The following NOS1AP variants were observed in gnomAD, a reference collection of about 807,000 sequenced individuals.
NOS1AP encodes the protein carboxyl-terminal PDZ ligand of neuronal nitric oxide synthase protein.
Under a neutral mutation model 56.2 loss-of-function variants are expected in NOS1AP, and 21 were observed. That is an observed-to-expected ratio of 0.37 (90% CI 0.26 to 0.54). NOS1AP has a LOEUF of 0.54. Among genes scored for constraint, NOS1AP ranks in the 20% least tolerant of loss-of-function variants. The pLI is 0.84. For synonymous variants in NOS1AP, 270 were observed against 274.6 expected, an observed-to-expected ratio of 0.98 and a Z score of 0.17; for missense variants, 522 against 657.8, an observed-to-expected ratio of 0.79 and a Z score of 2.26.
At chr1:162,236,117 G>T (rs181782851) in intron 2 of NOS1AP, among the ~76,000 whole-genome samples, 4 of 152,320 alleles carry the variant, frequency 2.6e-5, no homozygotes, top group African/African-American at 4.8e-5. Context: ...GATGTTAACT[G>T]ATCACCAGAT....
Position 162,318,759 on chromosome 1 carries a change from T to C in NOS1AP, c.345-14258T>C, listed in dbSNP as rs1656316640. 3.3e-5 allele frequency among the ~76,000 whole-genome samples: 5 copies of C among 152,088 alleles called. No homozygotes were observed. In the South Asian group the frequency reaches 1.0e-3, roughly 32 times the overall value. ...ACACTCTATCCCCTCCATCCCTTAT[T>C]TCCAATTGCCTCTTAGACAATTCCA... On this transcript the variant is annotated intron_variant, in intron 4 of 9. Transcript: ENST00000361897.
At chr1:162,153,778 G>A (rs1167989931) in intron 1 of NOS1AP, among the ~76,000 whole-genome samples, 2 of 152,100 alleles carry the variant, frequency 1.3e-5, no homozygotes, top group Non-Finnish European at 2.9e-5. Context: ...CTTTTGTGCT[G>A]CATATTTCTG....
Position 162,367,279 on chromosome 1 carries a change from G to C in NOS1AP, c.1333G>C (p.Gly445Arg). ...CGAGGACACCCCGCCCCCAGCGCAGGGCGAGGCGCTCCTGGGCGGTCTGGA... is the reference window on the plus strand; with the variant it reads ...CGAGGACACCCCGCCCCCAGCGCAGCGCGAGGCGCTCCTGGGCGGTCTGGA... The part of the protein sequence containing the change: ...PPEDTPPPAQ[G>R]EALLGGLELI... Residue 445 changes from glycine to arginine, a missense_variant, in exon 10 of 10, where the codon GGC (glycine) becomes CGC (arginine). Transcript: ENST00000361897. The surrounding 1 kb of genome is among the most constrained non-coding windows in gnomAD (Gnocchi z 6.5). 6.2e-7 allele frequency: 1 copy of C among 1,613,606 alleles called. No homozygotes were observed. The highest frequency in any genetic ancestry group is 1.1e-5 in the South Asian group (1 of 91,084).
chr1:162,305,250 T>C (rs1035922042), intron 4 of NOS1AP, among the ~76,000 whole-genome samples: 2 of 152,150 alleles, frequency 1.3e-5, no homozygotes, highest in African/African-American at 4.8e-5. Context: ...AACTTTTTTA[T>C]CACTCCAAAC....
chr1:162,306,157 G>A (rs1375019625), intron 4 of NOS1AP, among the ~76,000 whole-genome samples: 2 of 152,198 alleles, frequency 1.3e-5, no homozygotes, highest in African/African-American at 2.4e-5. Context: ...GTCAGAATGT[G>A]CAGGAAGCCA....
rs545280605 is a variant in NOS1AP at position 162,344,095 on chromosome 1, C to T, written c.595+119C>T. 2.0e-4 allele frequency: 223 copies of T among 1,116,060 alleles called. 4 individuals carry two copies. The South Asian group carries it at 2.6e-3, about 13-fold the overall frequency. The allele number at this position is 1,116,060 out of a possible 1,614,324, so 69.1% of individuals were successfully genotyped here. A position where few individuals can be genotyped will look rare whatever the true frequency, so the allele number is the denominator to read the frequency against. ...ATTTTAAGAAACATTTTATTTTTTC[C>T]GTTTCTCTCTAAATTCTAGATTCTC... On this transcript the variant is annotated intron_variant, in intron 6 of 9. Transcript: ENST00000361897.
In NOS1AP at chr1:162,103,500, T is replaced by C. The variant is rs1332043469; in HGVS notation, c.105+33218T>C. ...TCTGAATATCTTTGTTAATTTTCTG[T>C]CTCAATGGTCTGTCTAATATTGACA... On this transcript the variant is annotated intron_variant, in intron 1 of 9. Transcript: ENST00000361897. Among the ~76,000 whole-genome samples the C allele has an allele frequency of 5.3e-5, 8 of 152,178 alleles. 1 individual carries two copies. Among genetic ancestry groups the C allele is most frequent in the Non-Finnish European group, 1.5e-5 (1 of 68,020 alleles).
chr1:162,324,416 C>CTTTTTTTTTTTTTTTTTTTTTTTTTTTTT (rs35946766), intron 4 of NOS1AP, among the ~76,000 whole-genome samples: 1 of 72,172 alleles, frequency 1.4e-5, no homozygotes, highest in Non-Finnish European at 2.8e-5. Context: ...GGACACTAGC[C>CTTTTTTTTTTTTTTTTTTTTTTTTTTTTT]TTTTTTTTTT....
chr1:162,192,413 G>A (rs1349091383), intron 2 of NOS1AP, among the ~76,000 whole-genome samples: 1 of 152,234 alleles, frequency 6.6e-6, no homozygotes, highest in Admixed American at 6.5e-5. Flanking sequence ...AGCTGGTGGG[G>A]AGGAAGGCAC....
intron 3 of NOS1AP, among the ~76,000 whole-genome samples, chr1:162,291,559 G>C (rs898365615): frequency 6.6e-6 from 1 of 151,888 alleles, no homozygotes; most frequent in African/African-American, 2.4e-5. Flanking sequence ...TAATTCCATA[G>C]TATTAATTGT....
At chr1:162,264,807 C>T (rs1359820220) in intron 2 of NOS1AP, among the ~76,000 whole-genome samples, 2 of 101,200 alleles carry the variant, frequency 2.0e-5, no homozygotes, top group African/African-American at 7.3e-5. Flanking sequence ...TGAGCCACCG[C>T]GCCCGACCTT....
intron 2 of NOS1AP, among the ~76,000 whole-genome samples, chr1:162,216,772 G>T (rs182790074): frequency 3.9e-5 from 6 of 152,186 alleles, no homozygotes. Context: ...AGGCAGCCTG[G>T]GTTCAAATCT....
At chr1:162,366,424 A>G (rs147195292) in intron 9 of NOS1AP, among the ~76,000 whole-genome samples, 66 of 152,330 alleles carry the variant, frequency 4.3e-4, no homozygotes, top group African/African-American at 1.5e-3. Context: ...TAGGCCTAGC[A>G]AGGAGCAGAG....
chr1:162,088,200 TAA>T (rs1042055308), intron 1 of NOS1AP, among the ~76,000 whole-genome samples: 6 of 152,142 alleles, frequency 3.9e-5, no homozygotes, highest in Admixed American at 3.9e-4. Context: ...GTCTTGGGCT[TAA>T]AAGCCGGCAT....
At chr1:162,251,888 T>G (rs950658038) in intron 2 of NOS1AP, among the ~76,000 whole-genome samples, 9 of 115,110 alleles carry the variant, frequency 7.8e-5, no homozygotes, top group African/African-American at 1.6e-4. Flanking sequence ...TTTTTTTTTT[T>G]TGTGGAGACA....
At chr1:162,218,219 C>G (rs1186261793) in intron 2 of NOS1AP, among the ~76,000 whole-genome samples, 3 of 152,210 alleles carry the variant, frequency 2.0e-5, no homozygotes, top group African/African-American at 7.2e-5. Flanking sequence ...TTGAAAAACA[C>G]TGCTCTAGGA....
intron 2 of NOS1AP, among the ~76,000 whole-genome samples, chr1:162,218,747 C>G (rs116475683): frequency 0.014 from 2,120 of 152,200 alleles, 29 homozygotes; most frequent in Middle Eastern, 0.024. Flanking sequence ...TCAGGAGTGT[C>G]CCGGGCACCC....
At chr1:162,223,397 A>G (rs11582659) in intron 2 of NOS1AP, among the ~76,000 whole-genome samples, 81,709 of 152,008 alleles carry the variant, frequency 0.54, 23,011 homozygotes, top group Non-Finnish European at 0.64. Context: ...CAGCTATAGA[A>G]TAGATTCTGT....
chr1:162,120,085 A>ACACATGTATATG (rs1459804627), intron 1 of NOS1AP, among the ~76,000 whole-genome samples: 63 of 2,106 alleles, frequency 0.03, no homozygotes, highest in East Asian at 0.25. Context: ...TATGGTATAT[A>ACACATGTATATG]CATATGTATA....
Sources: allele counts gnomAD v4.1 joint callset (sites outside exome capture counted in the v4.1 genomes callset), GRCh38; gene constraint gnomAD v4.1.1; non-coding constraint Gnocchi (gnomAD v3.1); transcripts MANE v1.5; gene names NCBI Gene and HGNC (gene_info 2026-07-23, HGNC 2026-07-21).